Variants in POLR1C observed in about 807,000 individuals in gnomAD.
The protein encoded by POLR1C is RNA polymerase I and III subunit C.
A neutral mutation model predicts 38.3 loss-of-function variants in POLR1C; 42 were observed. That is an observed-to-expected ratio of 1.10 (90% CI 0.86 to 1.42). POLR1C has a LOEUF of 1.42. POLR1C is among the 40% of genes most tolerant of loss of function. The pLI is 0.00. For missense variants in POLR1C, 507 were observed against 450.5 expected, an observed-to-expected ratio of 1.13 and a Z score of -1.14; for synonymous variants, 163 against 163.9, an observed-to-expected ratio of 0.99 and a Z score of 0.04.
downstream of POLR1C, chr6:43,526,305 A>G (rs1211755851): frequency 1.6e-5 from 6 of 363,872 alleles, no homozygotes; most frequent in East Asian, 3.1e-4. Context: ...AGAAAGGAAT[A>G]CATAAATAAA....
intron 9 of POLR1C, among the ~76,000 whole-genome samples, chr6:43,544,506 C>A (rs1437797985): frequency 6.6e-6 from 1 of 152,190 alleles, no homozygotes; most frequent in East Asian, 1.9e-4. Flanking sequence ...CCTGTTTCCA[C>A]GTCTGGGTTG....
chr6:43,550,448 T>G (rs1399576847), intron 9 of POLR1C, among the ~76,000 whole-genome samples: 1 of 152,222 alleles, frequency 6.6e-6, no homozygotes, highest in East Asian at 1.9e-4. Context: ...CAACATTTTC[T>G]TCATTTCTCT....
Position 43,520,685 on chromosome 6 carries a change from T to G in POLR1C, c.716T>G (p.Ile239Ser). ...GCCAGTTACAGGCTCCTGCCAGACATCACCCTGCTTGAGCCCGTGGAAGGG... is the reference window on the plus strand; with the variant it reads ...GCCAGTTACAGGCTCCTGCCAGACAGCACCCTGCTTGAGCCCGTGGAAGGG... ...ATASYRLLPD[I>S]TLLEPVEGEA... The change falls in exon 7 of 9, where the codon ATC becomes AGC. Residue 239 changes from isoleucine to serine, a missense_variant. Ile to Ser is a moderately radical substitution (Grantham distance 142, BLOSUM62 -2). Coordinates refer to ENST00000642195, the MANE Select transcript of POLR1C (RefSeq NM_203290.4). 5 of 1,614,114 alleles carry G rather than the reference T, an allele frequency of 3.1e-6. No homozygotes were observed. The highest frequency in any genetic ancestry group is 4.2e-6 in the Non-Finnish European group (5 of 1,179,994).
At chr6:43,529,660 G>GCCTGTAATT (rs1793836949), downstream of POLR1C, 2 of 163,156 alleles carry the variant, frequency 1.2e-5, no homozygotes, top group African/African-American at 4.8e-5. Context: ...GGTGGCTCAG[G>GCCTGTAATT]CCTGTAATTC....
At chr6:43,519,940 A>G in intron 4 of POLR1C, 102 bp downstream of exon 4, 1 of 1,540,124 alleles carries the variant, frequency 6.5e-7, no homozygotes. Context: ...AGTGTCTTTC[A>G]TCTGTGAGAA....
chr6:43,528,134 A>G, intron 8 of POLR1C: 1 of 1,579,908 alleles, frequency 6.3e-7, no homozygotes, highest in Non-Finnish European at 8.6e-7. Flanking sequence ...TCATCCACCA[A>G]GAAGAGTGGG....
chr6:43,517,299 G>C lies in POLR1C; in HGVS notation c.70-7G>C, dbSNP rs886061425. The C allele has an allele frequency of 3.1e-6, 5 of 1,613,982 alleles. No individual in the cohort carries two copies. ...CCTTCGTGGACAAATTCGTCCCTTT[G>C]CTCTAGGTCCATACTACTGACTTTC... On this transcript the variant is annotated splice_polypyrimidine_tract_variant and splice_region_variant and intron_variant, in intron 1 of 8. Transcript: ENST00000642195.
chr6:43,550,304 G>A (rs898219705), intron 9 of POLR1C, among the ~76,000 whole-genome samples: 1 of 152,036 alleles, frequency 6.6e-6, no homozygotes, highest in Non-Finnish European at 1.5e-5. Flanking sequence ...ATGAAATATG[G>A]CTGCTTACTT....
chr6:43,550,230 T>G (rs1312749372), intron 9 of POLR1C, among the ~76,000 whole-genome samples: 1 of 152,222 alleles, frequency 6.6e-6, no homozygotes, highest in African/African-American at 2.4e-5. Context: ...TCTTCTTTTA[T>G]CAAAAGTTGT....
At position 43,562,198 on chromosome 6, in the gene POLR1C, C is replaced by G. The variant is rs765572201; in HGVS notation, c.*847C>G. The stretch of plus-strand genomic sequence containing the variant: ...TCATTGAAACATAAGTTTCTAAATG[C>G]TCTTCCCAAATGGGCTTGAAGCTCT... On this transcript the variant is annotated 3_prime_UTR_variant, in exon 11 of 11. Transcript: ENST00000607635. The G allele has an allele frequency of 2.0e-6, 3 of 1,472,818 alleles. No homozygotes were observed. In the African/African-American group the frequency reaches 4.2e-5, roughly 21 times the overall value. 91.2% of individuals were successfully genotyped at this position (1,472,818 alleles called of 1,614,324 possible).
intron 8 of POLR1C, chr6:43,527,881 C>T: frequency 1.3e-6 from 1 of 778,212 alleles, no homozygotes; most frequent in Non-Finnish European, 2.1e-6. Context: ...CAGTGATCCA[C>T]TGAAGGACAT....
Position 43,556,002 on chromosome 6 carries a change from AT to A in POLR1C, c.*48+4992del, listed in dbSNP as rs748602433. 33 of 1,610,056 alleles carry A rather than the reference AT, an allele frequency of 2.0e-5. No individual in the cohort carries two copies. In the South Asian group the frequency reaches 3.6e-4, roughly 18 times the overall value. On this transcript the variant is annotated intron_variant, in intron 10 of 10. Coordinates refer to the POLR1C transcript ENST00000607635. ...AATGCCAAGGGAAGGACAGGAATCA[AT>A]AACTGGTATAAAATAAGTACTTAAT...
intron 10 of POLR1C, among the ~76,000 whole-genome samples, chr6:43,559,460 G>C (rs1358471312): frequency 6.6e-6 from 1 of 152,182 alleles, no homozygotes; most frequent in Non-Finnish European, 1.5e-5. Flanking sequence ...ACTCTCTACT[G>C]AGGTAGTGAG....
intron 2 of POLR1C, among the ~76,000 whole-genome samples, chr6:43,517,717 G>T (rs889504223): frequency 1.3e-5 from 2 of 152,064 alleles, no homozygotes; most frequent in African/African-American, 4.8e-5. Context: ...CAAGAGGAGG[G>T]TACATCTCAA....
chr6:43,557,635 T>C (rs1341618314), intron 10 of POLR1C, among the ~76,000 whole-genome samples: 4 of 151,946 alleles, frequency 2.6e-5, no homozygotes. Context: ...CTAGTGGATA[T>C]AGGATTTATT....
At chr6:43,528,667 C>T (rs1334044768) in intron 8 of POLR1C, among the ~76,000 whole-genome samples, 2 of 152,222 alleles carry the variant, frequency 1.3e-5, no homozygotes, top group Admixed American at 6.5e-5. Context: ...GGGGGCTGCT[C>T]GATCCTACAG....
intron 10 of POLR1C, among the ~76,000 whole-genome samples, chr6:43,556,263 C>A (rs773038420): frequency 6.6e-6 from 1 of 152,130 alleles, no homozygotes; most frequent in Non-Finnish European, 1.5e-5. Context: ...GTAGCTCACG[C>A]CTGAAATCCT....
intron 10 of POLR1C, chr6:43,553,807 G>A (rs144721506): frequency 1.1e-3 from 257 of 230,984 alleles, no homozygotes; most frequent in African/African-American, 5.4e-3. Context: ...GAATACGCAG[G>A]TGAACATCAA....
chr6:43,555,557 A>C (rs189905966), intron 10 of POLR1C: 4 of 242,038 alleles, frequency 1.7e-5, no homozygotes, highest in Non-Finnish European at 2.4e-5. Flanking sequence ...AAGCAAATAA[A>C]ATCAACAATA....
Sources: allele counts gnomAD v4.1 joint callset (sites outside exome capture counted in the v4.1 genomes callset), GRCh38; gene constraint gnomAD v4.1.1; transcripts MANE v1.5; gene names NCBI Gene and HGNC (gene_info 2026-07-23, HGNC 2026-07-21).